The following FNTB variants were observed in gnomAD, a reference collection of about 807,000 sequenced individuals.
FNTB encodes farnesyltransferase, CAAX box, subunit beta.
In FNTB, 27 loss-of-function variants were observed where a neutral mutation model predicts 59.4. The ratio of observed to expected loss-of-function variants is 0.45; its 90% CI spans 0.34 to 0.63. The LOEUF (loss-of-function observed/expected upper bound fraction) is 0.63, where lower values mean the gene tolerates loss of function less well. Among genes scored for constraint, FNTB ranks in the 20% least tolerant of loss-of-function variants. The pLI is 0.02. For missense variants in FNTB, 449 were observed against 559.6 expected, an observed-to-expected ratio of 0.80 and a Z score of 1.99; for synonymous variants, 230 against 220.7, an observed-to-expected ratio of 1.04 and a Z score of -0.37.
chr14:64,997,026 TAA>T lies in FNTB; in HGVS notation c.145-7213_145-7212del, dbSNP rs895354413. Among the ~76,000 whole-genome samples the T allele has an allele frequency of 6.8e-6, 1 of 146,268 alleles. No homozygotes were observed. Among genetic ancestry groups the T allele is most frequent in the Non-Finnish European group, 1.5e-5 (1 of 66,108 alleles). ...CATTTTGCCTTTTTTCATTTCACAG[TAA>T]AAAAAAAAATAGAAACAGAGTCTTG... On this transcript the variant is annotated intron_variant, in intron 1 of 11. Coordinates refer to ENST00000246166, the MANE Select transcript of FNTB (RefSeq NM_002028.4). This position sits in a 1 kb window ranked among gnomAD's most constrained non-coding sequence, Gnocchi z 4.5.
chr14:65,033,761 G>T (rs1398630841), intron 7 of FNTB, among the ~76,000 whole-genome samples: 3 of 152,290 alleles, frequency 2.0e-5, no homozygotes, highest in Admixed American at 6.5e-5. Flanking sequence ...GGAAGCTGAG[G>T]CAGGAGAATG....
chr14:65,017,169 T>C (rs8012008), intron 4 of FNTB, among the ~76,000 whole-genome samples: 85,795 of 151,848 alleles, frequency 0.57, 24,902 homozygotes, highest in African/African-American at 0.69. Context: ...CTGATCTACC[T>C]GCCTCGGCCT....
chr14:64,996,037 C>A (rs146484768), intron 1 of FNTB, among the ~76,000 whole-genome samples: 1 of 150,292 alleles, frequency 6.7e-6, no homozygotes, highest in Non-Finnish European at 1.5e-5. Flanking sequence ...GCAGGAGAAT[C>A]GCTTGAACCT....
At position 64,991,300 on chromosome 14, in the gene FNTB, T is replaced by TA. The variant is rs894021881; in HGVS notation, c.144+4209dup. ...TCAAAATTCTTTTATCTTAGAGAGA[T>TA]AAAAAAGAATATGCTGTAAGGCCGA... is the stretch of plus-strand genomic sequence containing the variant. On this transcript the variant is annotated intron_variant, in intron 1 of 11. Coordinates refer to ENST00000246166, the MANE Select transcript of FNTB (RefSeq NM_002028.4). This position sits in a 1 kb window ranked among gnomAD's most constrained non-coding sequence, Gnocchi z 4.4. Among the ~76,000 whole-genome samples, 2 of 152,004 alleles carry TA rather than the reference T, an allele frequency of 1.3e-5. No homozygotes were observed. Among genetic ancestry groups the TA allele is most frequent in the Non-Finnish European group, 2.9e-5 (2 of 67,986 alleles).
At chr14:65,060,664 C>G (rs1306964577) in intron 11 of FNTB, among the ~76,000 whole-genome samples, 1 of 93,492 alleles carries the variant, frequency 1.1e-5, no homozygotes, top group Non-Finnish European at 1.8e-5. Flanking sequence ...CCACTGCACT[C>G]CAGCCTGGGC....
intron 7 of FNTB, among the ~76,000 whole-genome samples, chr14:65,036,655 T>G (rs1023545714): frequency 1.5e-4 from 23 of 152,256 alleles, no homozygotes; most frequent in African/African-American, 5.3e-4. Context: ...CTGTCTCTCT[T>G]TTTCTATCCC....
At chr14:65,000,815 C>CAAAAAAAAAAAAAAAAAA (rs59420832) in intron 1 of FNTB, among the ~76,000 whole-genome samples, 10 of 36,460 alleles carry the variant, frequency 2.7e-4, no homozygotes, top group African/African-American at 3.4e-4. Flanking sequence ...GACTCCGTCT[C>CAAAAAAAAAAAAAAAAAA]AAAAAAAAAA....
In FNTB at chr14:64,990,551, C is replaced by T. The variant is rs964231266; in HGVS notation, c.144+3454C>T. Among the ~76,000 whole-genome samples, 17 of 152,342 alleles carry T rather than the reference C, an allele frequency of 1.1e-4. No homozygotes were observed. The highest frequency in any genetic ancestry group is 3.8e-4 in the African/African-American group (16 of 41,568). ...AGTTCAGGTACCCCTGATTTACCAG[C>T]TCCAGATACTGCATTTTCTCTTGTG... On this transcript the variant is annotated intron_variant, in intron 1 of 11. Transcript: ENST00000246166. This position sits in a 1 kb window ranked among gnomAD's most constrained non-coding sequence, Gnocchi z 5.2.
Position 65,027,220 on chromosome 14 carries a change from G to T in FNTB, c.375-233G>T, listed in dbSNP as rs948012154. Among the ~76,000 whole-genome samples, 1 of 152,184 alleles carries T rather than the reference G, an allele frequency of 6.6e-6. No individual in the cohort carries two copies. Among genetic ancestry groups the T allele is most frequent in the East Asian group, 1.9e-4 (1 of 5,194 alleles). ...CCCAGCCTTGTGTTCCCTGCTTCAT[G>T]ACCAACAAGCGCTTAAGTACGAAAC... On this transcript the variant is annotated intron_variant, in intron 4 of 11. Transcript: ENST00000246166. The surrounding 1 kb of genome is among the most constrained non-coding windows in gnomAD (Gnocchi z 5.7).
Position 65,027,372 on chromosome 14 carries a change from A to G in FNTB, c.375-81A>G, listed in dbSNP as rs2062002403. On this transcript the variant is annotated intron_variant, in intron 4 of 11. Transcript: ENST00000246166. This position sits in a 1 kb window ranked among gnomAD's most constrained non-coding sequence, Gnocchi z 5.7. Reference sequence around the variant, plus strand: ...TTGAGGGAGTGGGGGATCATTGGAAAGGCCTGGAATCTAGTGGGAATTTGG... The same window carrying G: ...TTGAGGGAGTGGGGGATCATTGGAAGGGCCTGGAATCTAGTGGGAATTTGG... 1 of 1,569,626 alleles carries G rather than the reference A, an allele frequency of 6.4e-7. No individual in the cohort carries two copies. Among genetic ancestry groups the G allele is most frequent in the Non-Finnish European group, 8.6e-7 (1 of 1,157,832 alleles).
chr14:65,009,232 A>G lies in FNTB; in HGVS notation c.210-3085A>G, dbSNP rs2061646697. Among the ~76,000 whole-genome samples, 1 of 152,004 alleles carries G rather than the reference A, an allele frequency of 6.6e-6. No individual in the cohort carries two copies. The highest frequency in any genetic ancestry group is 2.4e-5 in the African/African-American group (1 of 41,386). ...GGGGTGCATTAAACCACAGAGATTT[A>G]TTTTTTCACATTTCTGGAGGCCAGA... On this transcript the variant is annotated intron_variant, in intron 2 of 11. Coordinates refer to ENST00000246166, the MANE Select transcript of FNTB (RefSeq NM_002028.4). This position sits in a 1 kb window ranked among gnomAD's most constrained non-coding sequence, Gnocchi z 4.2.
rs1888613154 is a variant in FNTB at position 65,001,881 on chromosome 14, C to T, written c.145-2368C>T. On this transcript the variant is annotated intron_variant, in intron 1 of 11. Transcript: ENST00000246166. This position sits in a 1 kb window ranked among gnomAD's most constrained non-coding sequence, Gnocchi z 5.5. ...GTCGGATTCTCATGGTGACGTCAGT[C>T]TGTTTTTTGAAGTATTATAACCTTT... 6.6e-6 allele frequency among the ~76,000 whole-genome samples: 1 copy of T among 152,210 alleles called. No homozygotes were observed. The highest frequency in any genetic ancestry group is 2.4e-5 in the African/African-American group (1 of 41,458).
In FNTB at chr14:65,044,908, G is replaced by T; in HGVS notation, c.955+465G>T. 6.5e-6 allele frequency: 1 copy of T among 154,312 alleles called. No homozygotes were observed. Among genetic ancestry groups the T allele is most frequent in the Non-Finnish European group, 1.4e-5 (1 of 69,666 alleles). 9.6% of individuals were successfully genotyped at this position (154,312 alleles called of 1,614,324 possible). ...CCATGTGTAGGGGTGGGTTGTAGGGGTGGGTTGCCCCTACACCATGGAGAA... is the reference window on the plus strand; with the variant it reads ...CCATGTGTAGGGGTGGGTTGTAGGGTTGGGTTGCCCCTACACCATGGAGAA... On this transcript the variant is annotated intron_variant, in intron 9 of 11. Coordinates refer to ENST00000246166, the MANE Select transcript of FNTB (RefSeq NM_002028.4). The surrounding 1 kb of genome is among the most constrained non-coding windows in gnomAD (Gnocchi z 5.5).
chr14:65,017,361 G>C (rs1474699483), intron 4 of FNTB, among the ~76,000 whole-genome samples: 1 of 152,092 alleles, frequency 6.6e-6, no homozygotes, highest in Non-Finnish European at 1.5e-5. Flanking sequence ...AGAGAAGAAA[G>C]AAAAAATGGG....
rs1555335876 is a variant in FNTB, at chr14:65,037,403, C to CTTTTTTTTTTTTTTTTTTTT, written c.693-3363_693-3344dup. 4.7e-4 allele frequency among the ~76,000 whole-genome samples: 14 copies of CTTTTTTTTTTTTTTTTTTTT among 29,642 alleles called. 4 individuals carry two copies. Among genetic ancestry groups the CTTTTTTTTTTTTTTTTTTTT allele is most frequent in the Non-Finnish European group, 8.8e-4 (12 of 13,686 alleles). 19.4% of individuals were successfully genotyped at this position (29,642 alleles called of 152,430 possible). Reference sequence around the variant, plus strand: ...TAGGCGTGAGCCACCACGCCGGGCCCTTTTTTTTTTTTTTTTTTTTTTTTT... The same window carrying CTTTTTTTTTTTTTTTTTTTT: ...TAGGCGTGAGCCACCACGCCGGGCCCTTTTTTTTTTTTTTTTTTTTTTTTTTTTTTTTTTTTTTTTTTTTT... On this transcript the variant is annotated intron_variant, in intron 7 of 11. Coordinates refer to ENST00000246166, the MANE Select transcript of FNTB (RefSeq NM_002028.4).
In FNTB at chr14:65,027,623, A is replaced by G. The variant is rs1321538128; in HGVS notation, c.521+24A>G. 1 of 1,614,112 alleles carries G rather than the reference A, an allele frequency of 6.2e-7. No homozygotes were observed. The highest frequency in any genetic ancestry group is 8.5e-7 in the Non-Finnish European group (1 of 1,179,952). On this transcript the variant is annotated intron_variant, in intron 5 of 11. Coordinates refer to ENST00000246166, the MANE Select transcript of FNTB (RefSeq NM_002028.4). The surrounding 1 kb of genome is among the most constrained non-coding windows in gnomAD (Gnocchi z 5.7). ...AGGTACAGTGAAAGCCAGCAGTGACAGAAACCTAGAGGAGTTCCCCGCCTG... is the reference window on the plus strand; with the variant it reads ...AGGTACAGTGAAAGCCAGCAGTGACGGAAACCTAGAGGAGTTCCCCGCCTG...
intron 9 of FNTB, among the ~76,000 whole-genome samples, chr14:65,049,053 G>A (rs1167934903): frequency 1.3e-5 from 2 of 151,868 alleles, no homozygotes; most frequent in South Asian, 2.1e-4. Context: ...CTTGAACCCC[G>A]GAGGCGGAGG....
chr14:65,060,189 C>T (rs1434287719), intron 11 of FNTB, among the ~76,000 whole-genome samples: 1 of 151,870 alleles, frequency 6.6e-6, no homozygotes, highest in African/African-American at 2.4e-5. Flanking sequence ...AATTGGGATA[C>T]ATAAAATATA....
At chr14:65,022,174 G>C in intron 4 of FNTB, 2 of 420,988 alleles carry the variant, frequency 4.8e-6, no homozygotes, top group South Asian at 3.4e-5. Flanking sequence ...GTTAGTACGA[G>C]AACAAGCTTG....
Sources: allele counts gnomAD v4.1 joint callset (sites outside exome capture counted in the v4.1 genomes callset), GRCh38; gene constraint gnomAD v4.1.1; non-coding constraint Gnocchi (gnomAD v3.1); transcripts MANE v1.5; gene names NCBI Gene and HGNC (gene_info 2026-07-23, HGNC 2026-07-21).